Variants in GABPB2 observed in about 807,000 individuals in gnomAD.
GABPB2 encodes GA-binding protein subunit beta-2.
Under a neutral mutation model 39.1 loss-of-function variants are expected in GABPB2, and 23 were observed. That is an observed-to-expected ratio of 0.59 (90% CI 0.42 to 0.83). GABPB2 has a LOEUF of 0.83. Among genes scored for constraint, GABPB2 ranks in the 40% least tolerant of loss-of-function variants. The probability of loss-of-function intolerance (pLI) is 0.00; values close to 1 mark genes in which losing one functional copy is unlikely to be tolerated. For synonymous variants in GABPB2, 184 were observed against 199.3 expected (o/e 0.92, Z 0.65); for missense variants, 467 against 541.1 (o/e 0.86, Z 1.36).
chr1:151,075,723 C>CA lies in GABPB2; in HGVS notation c.-1+4796dup, dbSNP rs199640046. 3.2e-4 allele frequency among the ~76,000 whole-genome samples: 49 copies of CA among 151,644 alleles called. 1 individual carries two copies. In the South Asian group the frequency reaches 4.0e-3, roughly 12 times the overall value. Reference sequence around the variant, plus strand: ...GACTTCATCTCAAAAAAACCCCCCCCAAAAAAACCCAAAAAAACACAAAAC... The same window carrying CA: ...GACTTCATCTCAAAAAAACCCCCCCCAAAAAAAACCCAAAAAAACACAAAAC... On this transcript the variant is annotated intron_variant, in intron 1 of 8. Transcript: ENST00000368918.
At chr1:151,115,467 C>A (rs1680793940) in intron 7 of GABPB2, among the ~76,000 whole-genome samples, 1 of 148,504 alleles carries the variant, frequency 6.7e-6, no homozygotes, top group Admixed American at 6.8e-5. Context: ...GTGGCACTAT[C>A]TCAGCTAACA....
At chr1:151,104,789 C>CT (rs1342101643) in intron 6 of GABPB2, among the ~76,000 whole-genome samples, 6 of 56,952 alleles carry the variant, frequency 1.1e-4, no homozygotes, top group African/African-American at 2.4e-4. Flanking sequence ...TTCTTTCTTT[C>CT]TTTCTTTCTT....
At chr1:151,111,195 G>C (rs1461084584) in intron 7 of GABPB2, among the ~76,000 whole-genome samples, 2 of 151,636 alleles carry the variant, frequency 1.3e-5, no homozygotes, top group Non-Finnish European at 2.9e-5. Context: ...CGGCAGTCTT[G>C]ATATTCAGGA....
chr1:151,082,025 T>C lies in GABPB2; in HGVS notation c.1-6165T>C, dbSNP rs189172083. ...TTATAATAACTTTTTCCAGTAACAG[T>C]GAGTATTCTTTGATACTGCACAAAA... On this transcript the variant is annotated intron_variant, in intron 1 of 8. Coordinates refer to ENST00000368918, the MANE Select transcript of GABPB2 (RefSeq NM_144618.3). Among the ~76,000 whole-genome samples the C allele has an allele frequency of 3.2e-4, 48 of 152,098 alleles. No individual in the cohort carries two copies. The East Asian group carries it at 8.3e-3, about 26-fold the overall frequency.
chr1:151,080,384 G>A (rs1677566580), intron 1 of GABPB2, among the ~76,000 whole-genome samples: 2 of 150,304 alleles, frequency 1.3e-5, no homozygotes, highest in South Asian at 4.2e-4. Context: ...GGTGGCACAT[G>A]CCTGTAATCC....
intron 7 of GABPB2, among the ~76,000 whole-genome samples, chr1:151,108,241 C>T (rs1484735719): frequency 6.6e-6 from 1 of 152,174 alleles, no homozygotes; most frequent in Non-Finnish European, 1.5e-5. Flanking sequence ...AGGATCTTGG[C>T]TCACTGCAAC....
At chr1:151,112,096 C>T (rs1680481084) in intron 7 of GABPB2, among the ~76,000 whole-genome samples, 1 of 147,902 alleles carries the variant, frequency 6.8e-6, no homozygotes, top group East Asian at 2.2e-4. Context: ...TGGTGGTGGG[C>T]GCCCGTAGTC....
At chr1:151,103,348 C>G (rs1679692744) in intron 5 of GABPB2, among the ~76,000 whole-genome samples, 1 of 151,844 alleles carries the variant, frequency 6.6e-6, no homozygotes, top group Non-Finnish European at 1.5e-5. Flanking sequence ...GCCCGGCCCT[C>G]CAAGTATATT....
At chr1:151,105,794 C>T (rs1272847955) in intron 6 of GABPB2, among the ~76,000 whole-genome samples, 1 of 152,108 alleles carries the variant, frequency 6.6e-6, no homozygotes, top group African/African-American at 2.4e-5. Flanking sequence ...CGTGAGCCAC[C>T]ATACCCAGCC....
intron 1 of GABPB2, among the ~76,000 whole-genome samples, chr1:151,086,257 A>G (rs1678184434): frequency 6.6e-6 from 1 of 152,014 alleles, no homozygotes; most frequent in Non-Finnish European, 1.5e-5. Context: ...AAAAAAAAAA[A>G]GTGCTTTATG....
intron 1 of GABPB2, among the ~76,000 whole-genome samples, chr1:151,081,210 C>A (rs911418629): frequency 6.6e-6 from 1 of 151,512 alleles, no homozygotes; most frequent in African/African-American, 2.4e-5. Flanking sequence ...ATCTTCAGGC[C>A]TGGTGTGGTG....
Position 151,112,773 on chromosome 1 carries a change from A to ATT in GABPB2, c.923-4610_923-4609dup. ...CGAGGTAAAAGGAAGGAGCTCCCGA[A>ATT]TTTTTTTTTTCTTTTTGAGACAGAG... On this transcript the variant is annotated intron_variant, in intron 7 of 8. Coordinates refer to ENST00000368918, the MANE Select transcript of GABPB2 (RefSeq NM_144618.3). 4 of 158,838 alleles carry ATT rather than the reference A, an allele frequency of 2.5e-5. No individual in the cohort carries two copies. The South Asian group carries it at 4.8e-4, about 19-fold the overall frequency. The allele number at this position is 158,838 out of a possible 1,614,324, so 9.8% of individuals were successfully genotyped here. A position where few individuals can be genotyped will look rare whatever the true frequency, so the allele number is the denominator to read the frequency against.
Position 151,124,549 on chromosome 1 carries a change from A to G in GABPB2, c.*6293A>G, listed in dbSNP as rs1363662699. The G allele has an allele frequency of 1.3e-5, 2 of 150,532 alleles. No individual in the cohort carries two copies. Among genetic ancestry groups the G allele is most frequent in the East Asian group, 3.9e-4 (2 of 5,122 alleles). 9.3% of individuals were successfully genotyped at this position (150,532 alleles called of 1,614,324 possible). On this transcript the variant is annotated 3_prime_UTR_variant, in exon 9 of 9. Transcript: ENST00000368918. ...CAGACCTCCAGAGCTGGAAAATTTG[A>G]TGCATTTACTGAACTCTTCCTGAAA...
At chr1:151,076,200 TAAG>T (rs1323504104) in intron 1 of GABPB2, among the ~76,000 whole-genome samples, 3 of 152,164 alleles carry the variant, frequency 2.0e-5, no homozygotes, top group African/African-American at 7.2e-5. Context: ...GTAAATTAAA[TAAG>T]AAGGTTTTCC....
intron 1 of GABPB2, among the ~76,000 whole-genome samples, chr1:151,084,222 G>T (rs1677974853): frequency 6.6e-6 from 1 of 150,390 alleles, no homozygotes; most frequent in African/African-American, 2.4e-5. Flanking sequence ...GTTTTTTTTT[G>T]TTTGTTTGTT....
rs1418113578 is a variant in GABPB2 at position 151,113,001 on chromosome 1, T to C, written c.923-4391T>C. ...ACCATGTTGGCCAGGATGGTCTTGA[T>C]CTCTTGACCTAGTGATGTGCCCACC... On this transcript the variant is annotated intron_variant, in intron 7 of 8. Transcript: ENST00000368918. Among the ~76,000 whole-genome samples, 3 of 151,576 alleles carry C rather than the reference T, an allele frequency of 2.0e-5. No individual in the cohort carries two copies. The East Asian group carries it at 5.9e-4, about 30-fold the overall frequency.
At position 151,110,849 on chromosome 1, in the gene GABPB2, A is replaced by G. The variant is rs908657419; in HGVS notation, c.922+3627A>G. On this transcript the variant is annotated intron_variant, in intron 7 of 8. Transcript: ENST00000368918. ...GCAGAAAAATTTAAATCCCAGACTA[A>G]ACTTCCATTTCTACTCAACATATAT... is the stretch of plus-strand genomic sequence containing the variant. Among the ~76,000 whole-genome samples, 3 of 152,174 alleles carry G rather than the reference A, an allele frequency of 2.0e-5. No individual in the cohort carries two copies. In the East Asian group the frequency reaches 5.8e-4, roughly 29 times the overall value.
chr1:151,100,874 C>T (rs968816828), intron 5 of GABPB2, among the ~76,000 whole-genome samples: 2 of 151,976 alleles, frequency 1.3e-5, no homozygotes, highest in African/African-American at 4.8e-5. Flanking sequence ...AGGCATGAGC[C>T]ACCGTGCCTG....
chr1:151,110,560 C>G (rs1187130215), intron 7 of GABPB2, among the ~76,000 whole-genome samples: 1 of 152,034 alleles, frequency 6.6e-6, no homozygotes, highest in South Asian at 2.1e-4. Flanking sequence ...CTCCTAGGCT[C>G]AAGCAGTCCT....
Sources: allele counts gnomAD v4.1 joint callset (sites outside exome capture counted in the v4.1 genomes callset), GRCh38; gene constraint gnomAD v4.1.1; transcripts MANE v1.5; gene names NCBI Gene and HGNC (gene_info 2026-07-23, HGNC 2026-07-21).